Variants in LHPP observed in about 807,000 individuals in gnomAD.
LHPP encodes hLHPP.
Under a neutral mutation model 30.3 loss-of-function variants are expected in LHPP, and 24 were observed. That is an observed-to-expected ratio of 0.79 (90% CI 0.57 to 1.11). LHPP has a LOEUF of 1.11. LHPP is among the 50% of genes most tolerant of loss of function. LHPP has a pLI of 0.00. For missense variants in LHPP, 356 were observed against 367.2 expected (o/e 0.97, Z 0.25); for synonymous variants, 150 against 157.1 (o/e 0.95, Z 0.34).
chr10:124,467,518 T>C (rs7915168), intron 1 of LHPP, among the ~76,000 whole-genome samples: 5,094 of 148,628 alleles, frequency 0.034, 271 homozygotes, highest in South Asian at 0.12. Context: ...CTTTTCTTTT[T>C]CTTTTTTTTT....
intron 1 of LHPP, among the ~76,000 whole-genome samples, chr10:124,476,468 G>T (rs980659495): frequency 6.6e-6 from 1 of 152,162 alleles, no homozygotes; most frequent in Non-Finnish European, 1.5e-5. Context: ...GGAAGGCTGG[G>T]CACCACCATC....
intron 6 of LHPP, among the ~76,000 whole-genome samples, chr10:124,595,451 C>A (rs1312251850): frequency 6.6e-6 from 1 of 152,240 alleles, no homozygotes; most frequent in Non-Finnish European, 1.5e-5. Flanking sequence ...TGTGCTGGAG[C>A]CTTGGCTGCC....
At chr10:124,583,080 A>G (rs1041516519) in intron 6 of LHPP, among the ~76,000 whole-genome samples, 1 of 152,054 alleles carries the variant, frequency 6.6e-6, no homozygotes, top group Non-Finnish European at 1.5e-5. Flanking sequence ...ATTTTCTCAT[A>G]TTTTGTGGGT....
chr10:124,574,037 C>T (rs1948623753), intron 6 of LHPP, among the ~76,000 whole-genome samples: 2 of 152,164 alleles, frequency 1.3e-5, no homozygotes. Context: ...GCTGCAGGAG[C>T]ACCTGGCGTG....
chr10:124,609,224 A>G (rs918636719), intron 6 of LHPP, among the ~76,000 whole-genome samples: 1 of 152,242 alleles, frequency 6.6e-6, no homozygotes, highest in Non-Finnish European at 1.5e-5. Flanking sequence ...TGGCCTACAC[A>G]ATAGCAACTG....
chr10:124,519,054 T>C (rs1375637458), intron 6 of LHPP, among the ~76,000 whole-genome samples: 2 of 152,144 alleles, frequency 1.3e-5, no homozygotes, highest in African/African-American at 4.8e-5. Flanking sequence ...CTCAAGTGAT[T>C]CTCCTGCCTC....
chr10:124,607,567 C>T (rs1949111864), intron 6 of LHPP, among the ~76,000 whole-genome samples: 1 of 152,174 alleles, frequency 6.6e-6, no homozygotes, highest in Non-Finnish European at 1.5e-5. Context: ...CATTACAAAG[C>T]GTCATCTTCT....
intron 3 of LHPP, among the ~76,000 whole-genome samples, chr10:124,491,881 C>T (rs769005994): frequency 1.3e-5 from 2 of 152,158 alleles, no homozygotes; most frequent in Admixed American, 6.5e-5. Context: ...GTCAAGACTG[C>T]GCCATTGCAC....
rs1953798746 is a variant in LHPP at position 124,498,568 on chromosome 10, G to C, written c.624+440G>C. ...CTTTCAAACTTCCAAATTTTAGAAAGGAAAAAGAATCGGTTATGATTTTAT... is the reference window on the plus strand; with the variant it reads ...CTTTCAAACTTCCAAATTTTAGAAACGAAAAAGAATCGGTTATGATTTTAT... On this transcript the variant is annotated intron_variant, in intron 5 of 6. Coordinates refer to ENST00000368842, the MANE Select transcript of LHPP (RefSeq NM_022126.4). 42 of 1,119,634 alleles carry C rather than the reference G, an allele frequency of 3.8e-5. 1 individual carries two copies. In the South Asian group the frequency reaches 7.0e-4, roughly 19 times the overall value. The allele number at this position is 1,119,634 out of a possible 1,614,324, so 69.4% of individuals were successfully genotyped here. A position where few individuals can be genotyped will look rare whatever the true frequency, so the allele number is the denominator to read the frequency against.
intron 6 of LHPP, among the ~76,000 whole-genome samples, chr10:124,597,723 CTG>C (rs752080411): frequency 0.016 from 2,472 of 152,256 alleles, 31 homozygotes; most frequent in South Asian, 0.033. Flanking sequence ...AGTGAGTGCC[CTG>C]CCCTGAGCCC....
intron 6 of LHPP, among the ~76,000 whole-genome samples, chr10:124,588,334 C>T (rs1948831661): frequency 6.7e-6 from 1 of 149,260 alleles, no homozygotes; most frequent in Non-Finnish European, 1.5e-5. Flanking sequence ...CTCTGTTGCC[C>T]AGGCTGGAGT....
rs141755767 is a variant in LHPP at position 124,572,610 on chromosome 10, G to A, written c.717-40654G>A. Among the ~76,000 whole-genome samples, 170 of 145,678 alleles carry A rather than the reference G, an allele frequency of 1.2e-3. 1 individual carries two copies. Among genetic ancestry groups the A allele is most frequent in the African/African-American group, 3.8e-3 (147 of 39,172 alleles). On this transcript the variant is annotated intron_variant, in intron 6 of 6. Transcript: ENST00000368842. ...CACGCCATTGCACTCCAGCCTGGGC[G>A]ACAGAGCGAGACTCCATCTCAAAAA...
At chr10:124,487,442 CTTT>C (rs140426240) in intron 2 of LHPP, among the ~76,000 whole-genome samples, 37 of 107,760 alleles carry the variant, frequency 3.4e-4, no homozygotes, top group African/African-American at 5.9e-4. Flanking sequence ...TTCTTTCTTT[CTTT>C]TTTTTTTTTT....
rs1564811780 is a variant in LHPP at position 124,529,022 on chromosome 10, GATTCTTT to G, written c.716+11752_716+11758del. 3.1e-5 allele frequency among the ~76,000 whole-genome samples: 4 copies of G among 127,534 alleles called. 1 individual carries two copies. The highest frequency in any genetic ancestry group is 1.6e-5 in the Non-Finnish European group (1 of 62,858). 83.7% of individuals were successfully genotyped at this position (127,534 alleles called of 152,430 possible). A position where few individuals can be genotyped will look rare whatever the true frequency, so the allele number is the denominator to read the frequency against. On this transcript the variant is annotated intron_variant, in intron 6 of 6. Transcript: ENST00000368842. ...CTGCCCTGGGTTTGTGAATTTGGGG[GATTCTTT>G]TTTTTTTTTTTTTTTTTTTTGAGAC...
chr10:124,593,794 G>A lies in LHPP; in HGVS notation c.717-19470G>A, dbSNP rs986708100. ...TTTTGCCGGCGCCAGGGGCTCCCTC[G>A]GCTGACCGAGGGTGTCCCTTACTCC... On this transcript the variant is annotated intron_variant, in intron 6 of 6. Coordinates refer to ENST00000368842, the MANE Select transcript of LHPP (RefSeq NM_022126.4). This position sits in a 1 kb window ranked among gnomAD's most constrained non-coding sequence, Gnocchi z 4.9. Among the ~76,000 whole-genome samples, 5 of 152,226 alleles carry A rather than the reference G, an allele frequency of 3.3e-5. No homozygotes were observed. The highest frequency in any genetic ancestry group is 9.6e-5 in the African/African-American group (4 of 41,458).
chr10:124,613,445 G>T lies in LHPP; in HGVS notation c.*85G>T. 1 of 543,464 alleles carries T rather than the reference G, an allele frequency of 1.8e-6. No homozygotes were observed. The highest frequency in any genetic ancestry group is 2.7e-6 in the Non-Finnish European group (1 of 367,724). The allele number at this position is 543,464 out of a possible 1,614,324, so 33.7% of individuals were successfully genotyped here. ...CTCCACCCCTGCCTCTCCTCCACCC[G>T]CCCAGGAGAGCCCCACCTCCTCCAC... is the stretch of plus-strand genomic sequence containing the variant. On this transcript the variant is annotated 3_prime_UTR_variant, in exon 7 of 7. Transcript: ENST00000368842.
intron 5 of LHPP, among the ~76,000 whole-genome samples, chr10:124,508,669 G>T (rs1182445645): frequency 6.6e-6 from 1 of 150,858 alleles, no homozygotes; most frequent in African/African-American, 2.4e-5. Context: ...AGCAACTCAT[G>T]CTCATTAAAG....
At chr10:124,482,460 C>T (rs1478411194) in intron 1 of LHPP, among the ~76,000 whole-genome samples, 4 of 152,210 alleles carry the variant, frequency 2.6e-5, no homozygotes, top group African/African-American at 9.6e-5. Flanking sequence ...AAAAGTGCCT[C>T]CCGGCCCTTG....
chr10:124,586,363 C>T (rs1208762985), intron 6 of LHPP, among the ~76,000 whole-genome samples: 6 of 152,192 alleles, frequency 3.9e-5, no homozygotes, highest in African/African-American at 1.4e-4. Flanking sequence ...GGGAACTGTT[C>T]CCTAGTCCTC....
Sources: gnomAD v4.1 joint callset for allele counts (sites outside exome capture counted in the v4.1 genomes callset) on GRCh38, gnomAD v4.1.1 for gene constraint, Gnocchi (gnomAD v3.1) non-coding constraint, MANE v1.5 for transcripts, NCBI Gene and HGNC (gene_info 2026-07-23, HGNC 2026-07-21) for gene names.